Variants in TAS1R2 observed in about 807,000 individuals in gnomAD.
TAS1R2 encodes the protein taste 1 receptor member 2, also known as taste receptor type 1 member 2.
Under a neutral mutation model 49.3 loss-of-function variants are expected in TAS1R2, and 47 were observed. That is an observed-to-expected ratio of 0.95 (90% CI 0.75 to 1.22). The LOEUF is 1.22. Ranked by LOEUF, TAS1R2 falls within the 50% of genes most tolerant of loss-of-function variation. The pLI is 0.00. For synonymous variants in TAS1R2, 479 were observed against 467.9 expected (o/e 1.02, Z -0.31); for missense variants, 1,155 against 1,122.1 (o/e 1.03, Z -0.42).
intron 3 of TAS1R2, among the ~76,000 whole-genome samples, chr1:18,851,142 C>A (rs1934013143): frequency 6.6e-6 from 1 of 152,148 alleles, no homozygotes; most frequent in South Asian, 2.1e-4. Flanking sequence ...CCGCCACCTG[C>A]CTTACAATGT....
chr1:18,852,468 T>C (rs558394554), intron 3 of TAS1R2, among the ~76,000 whole-genome samples: 1 of 152,332 alleles, frequency 6.6e-6, no homozygotes, highest in African/African-American at 2.4e-5. Flanking sequence ...AAGGACGCTG[T>C]TTATGCCAGC....
In TAS1R2 at chr1:18,841,866, G is replaced by A. The variant is rs756655080; in HGVS notation, c.1468-14C>T. 7.0e-6 allele frequency: 11 copies of A among 1,577,130 alleles called. No individual in the cohort carries two copies. In the South Asian group the frequency reaches 9.0e-5, roughly 13 times the overall value. ...GGACATAGGGATCTGGAGGGAGGAGGGCAAGAGACCCTGAGTCCTCTTTTC... is the reference window on the plus strand; with the variant it reads ...GGACATAGGGATCTGGAGGGAGGAGAGCAAGAGACCCTGAGTCCTCTTTTC... On this transcript the variant is annotated splice_polypyrimidine_tract_variant and intron_variant, in intron 4 of 5. Coordinates refer to ENST00000375371, the Ensembl canonical transcript of TAS1R2.
chr1:18,848,483 G>A (rs76064371), intron 4 of TAS1R2, among the ~76,000 whole-genome samples: 6,724 of 152,052 alleles, frequency 0.044, 495 homozygotes, highest in African/African-American at 0.14. Flanking sequence ...ACGAATAGAG[G>A]TCCTACCAGC....
chr1:18,841,003 G>A (rs186745413), intron 5 of TAS1R2, among the ~76,000 whole-genome samples: 1 of 152,320 alleles, frequency 6.6e-6, no homozygotes, highest in East Asian at 1.9e-4. Context: ...ACTGACTGTG[G>A]GAGGAAGGCC....
chr1:18,845,572 C>T (rs774353823), intron 4 of TAS1R2, among the ~76,000 whole-genome samples: 1 of 152,184 alleles, frequency 6.6e-6, no homozygotes, highest in Non-Finnish European at 1.5e-5. Context: ...TAGGGCTCTA[C>T]GATTACCATG....
chr1:18,840,452 AG>A lies in TAS1R2; in HGVS notation c.1666del (p.Leu556TrpfsTer30). On this transcript the variant is annotated frameshift_variant, in exon 6 of 6. Coordinates refer to ENST00000375371, the Ensembl canonical transcript of TAS1R2. LOFTEE classifies it low-confidence loss of function (END_TRUNC). ...TGCCTCATGCCATTCCAGGAAGACCAGCTGCCGCTTGAAGCAGGAGGTCTCA... is the reference window on the plus strand; with the variant it reads ...TGCCTCATGCCATTCCAGGAAGACCACTGCCGCTTGAAGCAGGAGGTCTCA... 1 of 1,614,190 alleles carries A rather than the reference AG, an allele frequency of 6.2e-7. No individual in the cohort carries two copies. The highest frequency in any genetic ancestry group is 8.5e-7 in the Non-Finnish European group (1 of 1,180,030).
At chr1:18,840,174 C>A (rs138370812) in exon 6 of TAS1R2, 7 of 1,614,168 alleles carry the variant, frequency 4.3e-6, no homozygotes, top group Non-Finnish European at 5.1e-6. Flanking sequence ...GAACGCACGG[C>A]GATACAGGAG....
intron 4 of TAS1R2, among the ~76,000 whole-genome samples, chr1:18,843,764 G>C (rs186919363): frequency 6.6e-6 from 1 of 152,244 alleles, no homozygotes; most frequent in East Asian, 1.9e-4. Flanking sequence ...TCAACTCTTG[G>C]AGTCCTGCTG....
intron 2 of TAS1R2, among the ~76,000 whole-genome samples, chr1:18,855,328 C>G (rs66931403): frequency 0.19 from 29,588 of 152,150 alleles, 3,176 homozygotes; most frequent in Middle Eastern, 0.26. Flanking sequence ...AGGTGAATGA[C>G]ATAGCCATCA....
intron 4 of TAS1R2, 74 bp downstream of exon 4, chr1:18,849,267 A>T (rs1048639454): frequency 6.7e-7 from 1 of 1,497,188 alleles, no homozygotes; most frequent in Non-Finnish European, 9.2e-7. Context: ...CCTAATGAAA[A>T]GGGCCCTAGC....
Position 18,854,802 on chromosome 1 carries a change from A to G in TAS1R2, c.668T>C (p.Leu223Pro). 10 of 1,606,464 alleles carry G rather than the reference A, an allele frequency of 6.2e-6. No homozygotes were observed. The highest frequency in any genetic ancestry group is 7.6e-6 in the Non-Finnish European group (9 of 1,178,948). ...GTCGCGCCGGGCCACGCGCTCGCCA[A>G]GCAGCTGGCCATTGTCGCGGCCATA... The change falls in exon 3 of 6, where the codon CTT (leucine) becomes CCT (proline). Residue 223 changes from leucine to proline, a missense_variant. By Grantham distance (98) the Leu-to-Pro change is moderately conservative (BLOSUM62 -3). Transcript: ENST00000375371. The surrounding 1 kb of genome is among the most constrained non-coding windows in gnomAD (Gnocchi z 4.9).
intron 2 of TAS1R2, among the ~76,000 whole-genome samples, chr1:18,855,610 A>C (rs563518763): frequency 7.6e-4 from 116 of 152,210 alleles, no homozygotes; most frequent in Non-Finnish European, 1.5e-3. Flanking sequence ...TCATGGCTTA[A>C]TATCCCATTT....
At chr1:18,849,408 G>T (rs1933980334) in exon 4 of TAS1R2, 2 of 1,614,212 alleles carry the variant, frequency 1.2e-6, no homozygotes, top group East Asian at 4.5e-5. Context: ...GGGGTAGTAG[G>T]AGGCGACGCT....
chr1:18,852,526 C>T (rs780612701), intron 3 of TAS1R2, among the ~76,000 whole-genome samples: 2 of 152,238 alleles, frequency 1.3e-5, no homozygotes, highest in Non-Finnish European at 2.9e-5. Flanking sequence ...CTCCCTGCCT[C>T]TTGACTGCAT....
intron 4 of TAS1R2, among the ~76,000 whole-genome samples, chr1:18,848,860 G>C (rs921161801): frequency 3.3e-5 from 5 of 152,150 alleles, no homozygotes; most frequent in Non-Finnish European, 2.9e-5. Flanking sequence ...TATTACATTA[G>C]GGTGAGTTGT....
chr1:18,857,988 C>A (rs527361905), intron 1 of TAS1R2, among the ~76,000 whole-genome samples: 2 of 151,084 alleles, frequency 1.3e-5, no homozygotes, highest in South Asian at 4.2e-4. Flanking sequence ...CCCATATTAC[C>A]AATATCACCA....
intron 4 of TAS1R2, among the ~76,000 whole-genome samples, chr1:18,846,316 GCTAAGGTGGC>G (rs1933919628): frequency 6.6e-6 from 1 of 152,204 alleles, no homozygotes; most frequent in Admixed American, 6.5e-5. Context: ...GGGAGACAAT[GCTAAGGTGGC>G]TCTTCGGGAG....
At chr1:18,852,170 G>A (rs1270622045) in intron 3 of TAS1R2, among the ~76,000 whole-genome samples, 2 of 152,146 alleles carry the variant, frequency 1.3e-5, no homozygotes, top group Non-Finnish European at 2.9e-5. Flanking sequence ...AACAAACAAA[G>A]GATATCAACA....
At chr1:18,853,620 G>T (rs1256540145) in intron 3 of TAS1R2, among the ~76,000 whole-genome samples, 1 of 152,144 alleles carries the variant, frequency 6.6e-6, no homozygotes, top group Non-Finnish European at 1.5e-5. Context: ...TGGGAGGCTG[G>T]CCCCAAACTG....
Sources: gnomAD v4.1 joint callset for allele counts (sites outside exome capture counted in the v4.1 genomes callset) on GRCh38, gnomAD v4.1.1 for gene constraint, Gnocchi (gnomAD v3.1) non-coding constraint, MANE v1.5 for transcripts, NCBI Gene and HGNC (gene_info 2026-07-23, HGNC 2026-07-21) for gene names.